The following SEMA6D variants were observed in gnomAD, a reference collection of about 807,000 sequenced individuals.
SEMA6D encodes the protein semaphorin-6D.
SEMA6D carries 35 observed loss-of-function variants against 106.6 expected under a neutral mutation model. That is an observed-to-expected ratio of 0.33 (90% CI 0.25 to 0.44). The LOEUF is 0.44. Among genes scored for constraint, SEMA6D ranks in the 20% least tolerant of loss-of-function variants. The probability of loss-of-function intolerance (pLI) is 1.00; values close to 1 mark genes in which losing one functional copy is unlikely to be tolerated. For synonymous variants in SEMA6D, 499 were observed against 487.7 expected (o/e 1.02, Z -0.31); for missense variants, 1,185 against 1,345.9 (o/e 0.88, Z 1.87).
intron 1 of SEMA6D, among the ~76,000 whole-genome samples, chr15:47,363,549 CA>C (rs2038893542): frequency 6.6e-6 from 1 of 152,020 alleles, no homozygotes; most frequent in South Asian, 2.1e-4. Context: ...CCCAGAAAAA[CA>C]AAACAAAACA....
intron 4 of SEMA6D, among the ~76,000 whole-genome samples, chr15:47,671,613 A>G (rs2078139117): frequency 6.6e-6 from 1 of 152,214 alleles, no homozygotes; most frequent in African/African-American, 2.4e-5. Flanking sequence ...GGATTCAAGT[A>G]GTCAGTGAGC....
intron 1 of SEMA6D, among the ~76,000 whole-genome samples, chr15:47,302,698 T>G (rs930350582): frequency 1.3e-5 from 2 of 152,122 alleles, no homozygotes; most frequent in Non-Finnish European, 2.9e-5. Flanking sequence ...CAACTTGTCT[T>G]CGACAGATTT....
intron 1 of SEMA6D, among the ~76,000 whole-genome samples, chr15:47,194,405 G>C (rs1360886383): frequency 1.3e-5 from 2 of 152,062 alleles, no homozygotes; most frequent in Admixed American, 6.6e-5. Context: ...GGGGACTCTA[G>C]ACTTGAAGAT....
intron 3 of SEMA6D, among the ~76,000 whole-genome samples, chr15:47,594,586 T>C (rs1053149119): frequency 6.6e-6 from 1 of 152,178 alleles, no homozygotes; most frequent in Non-Finnish European, 1.5e-5. Context: ...ACCTATACTT[T>C]GGGATATGAA....
chr15:47,261,323 A>T (rs982376513), intron 1 of SEMA6D, among the ~76,000 whole-genome samples: 3 of 152,188 alleles, frequency 2.0e-5, no homozygotes, highest in African/African-American at 7.2e-5. Flanking sequence ...TTAGGTGAAT[A>T]TTACTAAAAA....
chr15:47,429,393 T>C (rs1297997170), intron 2 of SEMA6D, among the ~76,000 whole-genome samples: 1 of 152,132 alleles, frequency 6.6e-6, no homozygotes. Flanking sequence ...AACATTGTTA[T>C]TACATATGGA....
intron 1 of SEMA6D, among the ~76,000 whole-genome samples, chr15:47,260,706 G>C (rs1371780280): frequency 1.3e-5 from 2 of 152,142 alleles, no homozygotes; most frequent in African/African-American, 4.8e-5. Flanking sequence ...TGTCTTGCTT[G>C]TGTTGGTGAT....
At chr15:47,669,889 A>C (rs1454507441) in intron 4 of SEMA6D, among the ~76,000 whole-genome samples, 2 of 152,160 alleles carry the variant, frequency 1.3e-5, no homozygotes, top group South Asian at 2.1e-4. Context: ...CTTCCAGACA[A>C]AGGGAATTGT....
chr15:47,660,380 C>G (rs1437298762), intron 4 of SEMA6D, among the ~76,000 whole-genome samples: 1 of 152,046 alleles, frequency 6.6e-6, no homozygotes, highest in Non-Finnish European at 1.5e-5. Flanking sequence ...CTTGCAGTTA[C>G]TTTTTTAAAC....
chr15:47,755,677 C>T (rs533773167), intron 1 of SEMA6D, among the ~76,000 whole-genome samples: 31 of 151,812 alleles, frequency 2.0e-4, no homozygotes, highest in African/African-American at 7.0e-4. Context: ...GTCAGAGGCC[C>T]AAATGATAGC....
intron 2 of SEMA6D, among the ~76,000 whole-genome samples, chr15:47,465,576 T>C (rs1567098722): frequency 6.6e-6 from 1 of 152,160 alleles, no homozygotes; most frequent in Non-Finnish European, 1.5e-5. Context: ...GGGAAGGGAT[T>C]GGATTGTGGG....
chr15:47,358,606 G>A (rs1196272855), intron 1 of SEMA6D, among the ~76,000 whole-genome samples: 3 of 152,110 alleles, frequency 2.0e-5, no homozygotes, highest in East Asian at 3.9e-4. Context: ...ATCTTGATGC[G>A]TTCCACTTTC....
chr15:47,662,801 C>A (rs926863518), intron 4 of SEMA6D, among the ~76,000 whole-genome samples: 1 of 150,514 alleles, frequency 6.6e-6, no homozygotes, highest in Non-Finnish European at 1.5e-5. Flanking sequence ...GGGGGTAGGT[C>A]GTGGGAGAGA....
At chr15:47,653,112 A>G (rs756967353) in intron 4 of SEMA6D, among the ~76,000 whole-genome samples, 11 of 152,230 alleles carry the variant, frequency 7.2e-5, no homozygotes, top group Non-Finnish European at 1.6e-4. Context: ...TCTTCTTAGC[A>G]GGTAAACATG....
At chr15:47,504,030 C>A (rs1567126509) in intron 3 of SEMA6D, among the ~76,000 whole-genome samples, 1 of 152,168 alleles carries the variant, frequency 6.6e-6, no homozygotes, top group Admixed American at 6.5e-5. Flanking sequence ...GGCTCAGTTT[C>A]CATAGCAAAC....
intron 1 of SEMA6D, among the ~76,000 whole-genome samples, chr15:47,389,032 C>T (rs1410953429): frequency 1.3e-5 from 2 of 151,948 alleles, no homozygotes; most frequent in East Asian, 1.9e-4. Flanking sequence ...TTTTTTTCTG[C>T]GGGTCCAAAT....
chr15:47,322,268 G>A (rs1469252420), intron 1 of SEMA6D, among the ~76,000 whole-genome samples: 5 of 148,910 alleles, frequency 3.4e-5, no homozygotes, highest in Non-Finnish European at 1.5e-5. Flanking sequence ...TCTTATTAGC[G>A]TTCACTAGTT....
chr15:47,552,468 ATG>A (rs141932315), intron 3 of SEMA6D, among the ~76,000 whole-genome samples: 98 of 145,440 alleles, frequency 6.7e-4, no homozygotes, highest in Middle Eastern at 3.7e-3. Flanking sequence ...ATGGCAATGT[ATG>A]TGTGTGTGTG....
chr15:47,241,405 A>G (rs2032898831), intron 1 of SEMA6D: 1 of 152,028 alleles, frequency 6.6e-6, no homozygotes, highest in Admixed American at 6.6e-5. Flanking sequence ...ACAGAATGCG[A>G]CATGTTTTTG....
Sources: allele counts gnomAD v4.1 joint callset (sites outside exome capture counted in the v4.1 genomes callset), GRCh38; gene constraint gnomAD v4.1.1; transcripts MANE v1.5; gene names NCBI Gene and HGNC (gene_info 2026-07-23, HGNC 2026-07-21).